The following ENTREP2 variants were observed in gnomAD, a reference collection of about 807,000 sequenced individuals.
The protein encoded by ENTREP2 is endosomal transmembrane epsin interactor 2.
the ENTREP2 span, among the ~76,000 whole-genome samples, chr15:29,319,616 T>C: frequency 8.5e-5 from 13 of 152,212 alleles, no homozygotes; most frequent in Admixed American, 2.0e-4. Context: ...CTTGGAGTTG[T>C]CACTCCCATC....
At chr15:29,650,835 CCTGTTT>C in the ENTREP2 span, among the ~76,000 whole-genome samples, 1 of 151,988 alleles carries the variant, frequency 6.6e-6, no homozygotes, top group African/African-American at 2.4e-5. Context: ...ATAGCAAGAC[CCTGTTT>C]CCAAAAAAAT....
the ENTREP2 span, among the ~76,000 whole-genome samples, chr15:29,164,064 C>G: frequency 1.3e-5 from 2 of 152,150 alleles, no homozygotes; most frequent in African/African-American, 4.8e-5. Flanking sequence ...TTCAGCAAAA[C>G]TAAGCATCAT....
the ENTREP2 span, among the ~76,000 whole-genome samples, chr15:29,436,444 C>G: frequency 2.0e-5 from 3 of 152,096 alleles, no homozygotes; most frequent in Admixed American, 2.0e-4. Context: ...CAAAGACATT[C>G]CTATGCAGAA....
chr15:29,569,307 C>T, the ENTREP2 span, among the ~76,000 whole-genome samples: 5 of 152,130 alleles, frequency 3.3e-5, no homozygotes, highest in African/African-American at 4.8e-5. Flanking sequence ...CTGTATCGAT[C>T]GAGGTGTTCC....
At chr15:29,215,458 T>C in the ENTREP2 span, among the ~76,000 whole-genome samples, 7 of 152,166 alleles carry the variant, frequency 4.6e-5, no homozygotes, top group African/African-American at 9.6e-5. Context: ...CCCTCAAACA[T>C]TGGACTCCAA....
chr15:29,472,058 G>A, the ENTREP2 span, among the ~76,000 whole-genome samples: 1 of 152,156 alleles, frequency 6.6e-6, no homozygotes, highest in Non-Finnish European at 1.5e-5. Context: ...ACAGGGCAGT[G>A]GGCCCCCACA....
At chr15:29,416,669 C>A in the ENTREP2 span, among the ~76,000 whole-genome samples, 1 of 152,014 alleles carries the variant, frequency 6.6e-6, no homozygotes, top group African/African-American at 2.4e-5. Flanking sequence ...AACTAAAGAG[C>A]TTCTGCACGG....
the ENTREP2 span, chr15:29,265,837 C>A: frequency 6.6e-6 from 1 of 152,126 alleles, no homozygotes; most frequent in Non-Finnish European, 1.5e-5. Context: ...TATTTCCATA[C>A]CTCACATCAT....
At chr15:29,219,291 T>A in the ENTREP2 span, among the ~76,000 whole-genome samples, 1 of 151,990 alleles carries the variant, frequency 6.6e-6, no homozygotes, top group Non-Finnish European at 1.5e-5. Flanking sequence ...AGAATGGCCA[T>A]AATCAAAAAA....
At chr15:29,554,908 T>C in the ENTREP2 span, among the ~76,000 whole-genome samples, 1 of 152,246 alleles carries the variant, frequency 6.6e-6, no homozygotes, top group Non-Finnish European at 1.5e-5. Flanking sequence ...TTAGCAATAC[T>C]TCCAAGTATG....
chr15:29,632,895 C>G, the ENTREP2 span, among the ~76,000 whole-genome samples: 26 of 152,164 alleles, frequency 1.7e-4, no homozygotes, highest in Non-Finnish European at 2.8e-4. Context: ...CCCAGTCTTG[C>G]AGGGGGTACA....
the ENTREP2 span, chr15:29,122,057 C>T: frequency 6.6e-6 from 1 of 152,300 alleles, no homozygotes; most frequent in Non-Finnish European, 1.5e-5. Context: ...GGCTCATGGG[C>T]TCTCTGGGGA....
the ENTREP2 span, among the ~76,000 whole-genome samples, chr15:29,356,296 A>ATATATATTT: frequency 8.7e-5 from 3 of 34,392 alleles, no homozygotes; most frequent in Non-Finnish European, 1.1e-4. Flanking sequence ...ATATATATAT[A>ATATATATTT]TTTTTTTTTT....
chr15:29,662,955 C>T, the ENTREP2 span, among the ~76,000 whole-genome samples: 5 of 151,794 alleles, frequency 3.3e-5, no homozygotes, highest in Non-Finnish European at 5.9e-5. Context: ...TCAGGTGATC[C>T]GCCCGCCTCG....
the ENTREP2 span, among the ~76,000 whole-genome samples, chr15:29,157,379 C>A: frequency 6.6e-6 from 1 of 152,352 alleles, no homozygotes; most frequent in South Asian, 2.1e-4. Flanking sequence ...CCTCCGCAGG[C>A]TCCCTACAGA....
At chr15:29,516,206 G>A in the ENTREP2 span, among the ~76,000 whole-genome samples, 1 of 152,074 alleles carries the variant, frequency 6.6e-6, no homozygotes, top group South Asian at 2.1e-4. Flanking sequence ...GTTCTAACAT[G>A]CAGCCAAGTT....
the ENTREP2 span, among the ~76,000 whole-genome samples, chr15:29,635,231 A>G: frequency 5.5e-3 from 839 of 152,270 alleles, 6 homozygotes; most frequent in African/African-American, 0.019. Flanking sequence ...GGTTGGGCTG[A>G]AAGTCCTAAC....
At chr15:29,251,722 A>G in the ENTREP2 span, among the ~76,000 whole-genome samples, 1 of 146,120 alleles carries the variant, frequency 6.8e-6, no homozygotes, top group Non-Finnish European at 1.5e-5. Context: ...CTTTCTTAAA[A>G]CATTATGAGT....
At chr15:29,535,740 T>C in the ENTREP2 span, among the ~76,000 whole-genome samples, 1 of 151,542 alleles carries the variant, frequency 6.6e-6, no homozygotes, top group Non-Finnish European at 1.5e-5. Context: ...ACCCCAAATA[T>C]TCTTTTTTTT....
Sources: allele counts gnomAD v4.1 joint callset (sites outside exome capture counted in the v4.1 genomes callset), GRCh38; gene constraint gnomAD v4.1.1; transcripts MANE v1.5; gene names NCBI Gene and HGNC (gene_info 2026-07-23, HGNC 2026-07-21).